The following JAK2 variants were observed in gnomAD, a reference collection of about 807,000 sequenced individuals.
JAK2 encodes Janus kinase 2.
A neutral mutation model predicts 139.3 loss-of-function variants in JAK2; 86 were observed. The observed-to-expected ratio is 0.62, with a 90% CI of 0.52 to 0.74. The LOEUF is 0.74. Among genes scored for constraint, JAK2 ranks in the 30% least tolerant of loss-of-function variants. The pLI, the probability that JAK2 is intolerant of heterozygous loss-of-function variation, is 0.00. For synonymous variants in JAK2, 490 were observed against 437.7 expected (o/e 1.12, Z -1.49); for missense variants, 1,421 against 1,360.3 (o/e 1.04, Z -0.70).
At chr9:5,029,427 A>G (rs1822995163) in intron 3 of JAK2, among the ~76,000 whole-genome samples, 1 of 152,218 alleles carries the variant, frequency 6.6e-6, no homozygotes, top group Non-Finnish European at 1.5e-5. Flanking sequence ...GTATTGCAAG[A>G]ATTACCAAAA....
In JAK2 at chr9:5,021,607, T is replaced by A. The variant is rs143811184; in HGVS notation, c.-25-356T>A. On this transcript the variant is annotated intron_variant, in intron 2 of 24. Transcript: ENST00000381652. Reference sequence around the variant, plus strand: ...ATGAAGGGTGCCTTATCAATATTATTTCCATTTGTAACTTTATTTATTTAT... The same window carrying A: ...ATGAAGGGTGCCTTATCAATATTATATCCATTTGTAACTTTATTTATTTAT... 3.2e-4 allele frequency among the ~76,000 whole-genome samples: 49 copies of A among 152,128 alleles called. No homozygotes were observed. The East Asian group carries it at 9.4e-3, about 29-fold the overall frequency.
chr9:5,059,732 C>G (rs916021954), intron 8 of JAK2, among the ~76,000 whole-genome samples: 2 of 152,048 alleles, frequency 1.3e-5, no homozygotes, highest in Non-Finnish European at 2.9e-5. Flanking sequence ...CTAAAAATGT[C>G]TTAGTTTGTC....
At chr9:5,024,437 T>C (rs1184843325) in intron 3 of JAK2, among the ~76,000 whole-genome samples, 1 of 152,092 alleles carries the variant, frequency 6.6e-6, no homozygotes, top group African/African-American at 2.4e-5. Flanking sequence ...TCTCATTCAG[T>C]GTTTACCCAG....
intron 22 of JAK2, among the ~76,000 whole-genome samples, chr9:5,106,894 C>A (rs1262974303): frequency 6.6e-6 from 1 of 150,776 alleles, no homozygotes; most frequent in Admixed American, 6.6e-5. Context: ...CAAAGGGGCC[C>A]GGGGGAGGGA....
At chr9:5,041,475 C>A in intron 4 of JAK2, 1 of 597,378 alleles carries the variant, frequency 1.7e-6, no homozygotes, top group East Asian at 3.8e-5. Flanking sequence ...AAGGCTGACA[C>A]GATCATGAGC....
chr9:5,039,498 G>T (rs1197139125), intron 4 of JAK2, among the ~76,000 whole-genome samples: 2 of 152,046 alleles, frequency 1.3e-5, no homozygotes, highest in Non-Finnish European at 2.9e-5. Flanking sequence ...GCAGATTTTG[G>T]TATGTGTGGG....
At chr9:4,994,075 A>T (rs1820421568) in intron 2 of JAK2, among the ~76,000 whole-genome samples, 1 of 152,182 alleles carries the variant, frequency 6.6e-6, no homozygotes, top group Non-Finnish European at 1.5e-5. Flanking sequence ...GTTAATAATT[A>T]TCCTACTTGT....
intron 19 of JAK2, among the ~76,000 whole-genome samples, chr9:5,084,806 A>G (rs948583644): frequency 6.6e-6 from 1 of 152,250 alleles, no homozygotes; most frequent in Non-Finnish European, 1.5e-5. Flanking sequence ...AGAATGACAG[A>G]TTCAGATGGT....
intron 24 of JAK2, 29 bp downstream of exon 24, chr9:5,126,475 T>C (rs1214053460): frequency 1.4e-6 from 2 of 1,426,100 alleles, no homozygotes; most frequent in East Asian, 2.3e-5. Context: ...TCCAGGGTAG[T>C]CATGCATTTT....
At position 5,080,584 on chromosome 9, in the gene JAK2, G is replaced by C. The variant is rs1819617654; in HGVS notation, c.2335G>C (p.Glu779Gln). 2 of 1,605,528 alleles carry C rather than the reference G, an allele frequency of 1.2e-6. No individual in the cohort carries two copies. Among genetic ancestry groups the C allele is most frequent in the Non-Finnish European group, 1.7e-6 (2 of 1,177,866 alleles). ...TCAGCTTCCTGCACCAAAGTGGGCA[G>C]AATTAGCAAACCTTATAAATAATTG... ...RHQLPAPKWAELANLINNCMD... is the reference protein window; with the variant it reads ...RHQLPAPKWAQLANLINNCMD... The change falls in exon 18 of 25, where the codon GAA becomes CAA. Residue 779 changes from glutamate to glutamine, a missense_variant. Coordinates refer to ENST00000381652, the MANE Select transcript of JAK2 (RefSeq NM_004972.4).
chr9:5,062,242 A>T (rs1237116848), intron 8 of JAK2, among the ~76,000 whole-genome samples: 1 of 152,066 alleles, frequency 6.6e-6, no homozygotes, highest in East Asian at 1.9e-4. Context: ...CTGATTTCAG[A>T]ACTTGAATAT....
chr9:5,038,335 T>C (rs1464843027), intron 4 of JAK2, among the ~76,000 whole-genome samples: 2 of 152,158 alleles, frequency 1.3e-5, no homozygotes, highest in African/African-American at 2.4e-5. Flanking sequence ...GTGGCTTCAC[T>C]TGTGAATTCT....
At position 5,090,562 on chromosome 9, in the gene JAK2, A is replaced by C. The variant is rs1215693396; in HGVS notation, c.2878A>C (p.Ile960Leu). ...HIKLLQYTSQ[I>L]CKGMEYLGTK... ...AAAACTTCTGCAGTACACATCTCAGATATGCAAGGTAACTAATATCCTGAT... is the reference window on the plus strand; with the variant it reads ...AAAACTTCTGCAGTACACATCTCAGCTATGCAAGGTAACTAATATCCTGAT... Residue 960 changes from isoleucine (I) to leucine (L), a missense_variant, in exon 21 of 25, where the codon ATA (isoleucine) becomes CTA (leucine). By Grantham distance (5) the Ile-to-Leu change is conservative (BLOSUM62 2). Transcript: ENST00000381652. The C allele has an allele frequency of 6.3e-7, 1 of 1,575,768 alleles. No individual in the cohort carries two copies. The highest frequency in any genetic ancestry group is 8.6e-7 in the Non-Finnish European group (1 of 1,162,902).
At position 5,044,458 on chromosome 9, in the gene JAK2, A is replaced by G. The variant is rs140052813; in HGVS notation, c.406A>G (p.Ile136Val). 5 of 1,613,398 alleles carry G rather than the reference A, an allele frequency of 3.1e-6. No individual in the cohort carries two copies. Among genetic ancestry groups the G allele is most frequent in the Middle Eastern group, 3.3e-4 (2 of 6,084 alleles). Residue 136 changes from isoleucine to valine, a missense_variant, in exon 5 of 25, where the codon ATA becomes GTA. Ile to Val is a conservative substitution (Grantham distance 29). Transcript: ENST00000381652. ...CAGCAACAGAGCCTATCGGCATGGA[A>G]TATCTCGAGGTGCTGAAGCTCCTCT... ...SGSNRAYRHG[I>V]SRGAEAPLLD...
chr9:5,070,584 T>C (rs1426308318), intron 12 of JAK2, among the ~76,000 whole-genome samples: 1 of 151,968 alleles, frequency 6.6e-6, no homozygotes, highest in Non-Finnish European at 1.5e-5. Context: ...TTTTTTAAAA[T>C]TATTTATTTA....
chr9:5,059,531 C>CA (rs1701613688), intron 8 of JAK2, among the ~76,000 whole-genome samples: 1 of 152,080 alleles, frequency 6.6e-6, no homozygotes, highest in Non-Finnish European at 1.5e-5. Context: ...CATTCTTATA[C>CA]ATATTTTTTG....
intron 3 of JAK2, among the ~76,000 whole-genome samples, chr9:5,023,147 C>T (rs1016475848): frequency 1.3e-5 from 2 of 152,204 alleles, no homozygotes; most frequent in Non-Finnish European, 1.5e-5. Flanking sequence ...ACCAACATCT[C>T]TTCATTTCCC....
At chr9:5,123,660 G>C (rs555395180) in intron 23 of JAK2, among the ~76,000 whole-genome samples, 1 of 151,840 alleles carries the variant, frequency 6.6e-6, no homozygotes, top group Non-Finnish European at 1.5e-5. Flanking sequence ...CCTTTAGGTA[G>C]ATACCCCATA....
upstream of JAK2, chr9:4,984,961 C>G (rs1187887942): frequency 5.3e-5 from 8 of 152,300 alleles, no homozygotes; most frequent in Admixed American, 5.2e-4. Flanking sequence ...CGCCGGCTTC[C>G]CGAGAGGCAG....
Sources: allele counts gnomAD v4.1 joint callset (sites outside exome capture counted in the v4.1 genomes callset), GRCh38; gene constraint gnomAD v4.1.1; transcripts MANE v1.5; gene names NCBI Gene and HGNC (gene_info 2026-07-23, HGNC 2026-07-21).